MIA2: variants seen among roughly 807,000 people sequenced by gnomAD.
MIA2 encodes MIA SH3 domain ER export factor 2.
MIA2 carries 127 observed loss-of-function variants against 167.8 expected under a neutral mutation model. The ratio of observed to expected loss-of-function variants is 0.76; its 90% confidence interval spans 0.66 to 0.88. The LOEUF is 0.88. Among genes scored for constraint, MIA2 ranks in the 40% least tolerant of loss-of-function variants. The pLI, the probability that MIA2 is intolerant of heterozygous loss-of-function variation, is 0.00. For synonymous variants in MIA2, 552 were observed against 541.9 expected (o/e 1.02, Z -0.26); for missense variants, 1,690 against 1,624.7 (o/e 1.04, Z -0.69).
intron 6 of MIA2, chr14:39,267,649 G>C: frequency 9.0e-7 from 1 of 1,117,266 alleles, no homozygotes. Flanking sequence ...GTCCTCGTCT[G>C]CTGCCCGGCT....
chr14:39,381,980 G>A (rs1260553415), intron 23 of MIA2, among the ~76,000 whole-genome samples: 2 of 152,162 alleles, frequency 1.3e-5, no homozygotes, highest in Non-Finnish European at 2.9e-5. Flanking sequence ...GAATTTCTAA[G>A]ACAAACCCTA....
intron 23 of MIA2, among the ~76,000 whole-genome samples, chr14:39,380,200 GA>G (rs1343396724): frequency 6.6e-6 from 1 of 152,104 alleles, no homozygotes; most frequent in Non-Finnish European, 1.5e-5. Context: ...AAAACCTGAG[GA>G]AAAAAGAGGA....
At chr14:39,329,679 G>T (rs1372337354) in intron 25 of MIA2, among the ~76,000 whole-genome samples, 1 of 150,962 alleles carries the variant, frequency 6.6e-6, no homozygotes, top group Non-Finnish European at 1.5e-5. Flanking sequence ...TTAGCATGAA[G>T]GGGTGTTGGA....
chr14:39,308,416 C>G (rs1157254158), intron 17 of MIA2, 33 bp from the exon 18 acceptor site: 5 of 1,320,858 alleles, frequency 3.8e-6, no homozygotes, highest in Non-Finnish European at 5.1e-6. Context: ...CAAAATGTTT[C>G]TCCTTTAATT....
chr14:39,318,041 T>G (rs774983274), intron 22 of MIA2, 30 bp downstream of exon 22: 6 of 1,483,044 alleles, frequency 4.0e-6, no homozygotes, highest in Non-Finnish European at 4.6e-6. Context: ...CATTTAAAAT[T>G]AGTTATTCTG....
intron 23 of MIA2, among the ~76,000 whole-genome samples, chr14:39,376,066 G>T (rs151319629): frequency 0.027 from 4,177 of 152,214 alleles, 82 homozygotes; most frequent in South Asian, 0.067. Context: ...TGATTCTCCT[G>T]CCTCAGCCTC....
chr14:39,303,426 CGTATT>C (rs1254904307), intron 15 of MIA2, 47 bp from the exon 16 acceptor site: 15 of 1,311,232 alleles, frequency 1.1e-5, no homozygotes, highest in Middle Eastern at 4.3e-4. Context: ...TGTCTATTGT[CGTATT>C]GTACTATTTT....
chr14:39,237,131 T>C, intron 2 of MIA2, 76 bp downstream of exon 2: 1 of 1,534,804 alleles, frequency 6.5e-7, no homozygotes, highest in Non-Finnish European at 8.9e-7. Context: ...TTTCTTTTCT[T>C]TTTTTTGGAA....
Position 39,289,423 on chromosome 14 carries a change from T to C in MIA2, c.2131-1596T>C, listed in dbSNP as rs561057013. On this transcript the variant is annotated intron_variant, in intron 9 of 28. Coordinates refer to ENST00000640607, the MANE Select transcript of MIA2 (RefSeq NM_001329214.4). ...AGAGACAGAGTTTCACCATGTTGGCTAGGCTGTTCTTGAACTCCTGACCTC... is the reference window on the plus strand; with the variant it reads ...AGAGACAGAGTTTCACCATGTTGGCCAGGCTGTTCTTGAACTCCTGACCTC... Among the ~76,000 whole-genome samples the C allele has an allele frequency of 1.4e-4, 21 of 152,186 alleles. No homozygotes were observed. In the East Asian group the frequency reaches 3.3e-3, roughly 24 times the overall value.
At chr14:39,311,506 C>G (rs1428640986) in intron 18 of MIA2, among the ~76,000 whole-genome samples, 1 of 106,792 alleles carries the variant, frequency 9.4e-6, no homozygotes, top group African/African-American at 3.6e-5. Flanking sequence ...GAGATGAAGT[C>G]TTGCTGCGAT....
chr14:39,343,027 A>G (rs10140997), intron 25 of MIA2, among the ~76,000 whole-genome samples: 14,680 of 152,212 alleles, frequency 0.096, 828 homozygotes, highest in South Asian at 0.19. Flanking sequence ...AGTGTCTCCA[A>G]TATCTCACCA....
intron 23 of MIA2, among the ~76,000 whole-genome samples, chr14:39,356,453 T>C (rs982320865): frequency 3.3e-5 from 5 of 152,206 alleles, no homozygotes; most frequent in African/African-American, 1.2e-4. Context: ...ATTTCTTCTT[T>C]ATTAGTCTTG....
intron 4 of MIA2, among the ~76,000 whole-genome samples, chr14:39,248,899 C>A (rs895416238): frequency 6.6e-6 from 1 of 151,986 alleles, no homozygotes; most frequent in African/African-American, 2.4e-5. Flanking sequence ...GCCAACACAG[C>A]CGCTAATTTT....
intron 23 of MIA2, 52 bp from the exon 24 acceptor site, chr14:39,320,876 A>C: frequency 1.3e-6 from 2 of 1,581,558 alleles, no homozygotes; most frequent in Non-Finnish European, 1.7e-6. Context: ...CTAACTCTGT[A>C]GTGTAGCTAA....
chr14:39,387,091 G>A (rs769220121), exon 24 of MIA2: 31 of 611,612 alleles, frequency 5.1e-5, no homozygotes, highest in Non-Finnish European at 8.1e-5. Context: ...TAACTGTCTC[G>A]GAGGCTGCCA....
At chr14:39,357,533 G>A (rs931378309) in intron 23 of MIA2, among the ~76,000 whole-genome samples, 1 of 152,108 alleles carries the variant, frequency 6.6e-6, no homozygotes, top group African/African-American at 2.4e-5. Context: ...CATTTAATTG[G>A]AGCATTTAGC....
chr14:39,295,434 A>C (rs2061293262), intron 13 of MIA2, among the ~76,000 whole-genome samples: 1 of 152,036 alleles, frequency 6.6e-6, no homozygotes, highest in Non-Finnish European at 1.5e-5. Context: ...AGATACTCCC[A>C]CGTATATTTC....
intron 9 of MIA2, among the ~76,000 whole-genome samples, chr14:39,285,418 G>A (rs1442297997): frequency 3.4e-5 from 5 of 148,766 alleles, no homozygotes; most frequent in African/African-American, 7.4e-5. Flanking sequence ...GGCTGGCCGG[G>A]CGGGGGCTGA....
At chr14:39,273,932 A>G (rs530354984) in intron 6 of MIA2, among the ~76,000 whole-genome samples, 2 of 152,150 alleles carry the variant, frequency 1.3e-5, no homozygotes, top group African/African-American at 2.4e-5. Context: ...GGAGAGGTGT[A>G]CCTTCATGGA....
Sources: gnomAD v4.1 joint callset for allele counts (sites outside exome capture counted in the v4.1 genomes callset) on GRCh38, gnomAD v4.1.1 for gene constraint, MANE v1.5 for transcripts, NCBI Gene and HGNC (gene_info 2026-07-23, HGNC 2026-07-21) for gene names.